The following KLHL2 variants were observed in gnomAD, a reference collection of about 807,000 sequenced individuals.
KLHL2 encodes kelch like family member 2.
KLHL2 carries 15 observed loss-of-function variants against 75.8 expected under a neutral mutation model. The ratio of observed to expected loss-of-function variants is 0.20; its 90% CI spans 0.13 to 0.30. The LOEUF is 0.30. Among genes scored for constraint, KLHL2 ranks in the 10% least tolerant of loss-of-function variants. The pLI, the probability that KLHL2 is intolerant of heterozygous loss-of-function variation, is 1.00. For synonymous variants in KLHL2, 214 were observed against 251.9 expected, an observed-to-expected ratio of 0.85 and a Z score of 1.42; for missense variants, 381 against 741.0, an observed-to-expected ratio of 0.51 and a Z score of 5.64.
chr4:165,271,167 T>A (rs532079359), intron 5 of KLHL2, among the ~76,000 whole-genome samples: 2 of 48,220 alleles, frequency 4.1e-5, no homozygotes, highest in East Asian at 6.4e-4. Context: ...ATTTTAGGAT[T>A]TTTTTTTTAT....
chr4:165,311,636 A>C, intron 11 of KLHL2, 71 bp downstream of exon 11: 6 of 1,085,254 alleles, frequency 5.5e-6, no homozygotes, highest in Non-Finnish European at 8.3e-6. Context: ...CAGTAATCTC[A>C]ACTTTAGTTT....
At chr4:165,258,193 T>C (rs145708567) in intron 4 of KLHL2, among the ~76,000 whole-genome samples, 76 of 152,344 alleles carry the variant, frequency 5.0e-4, no homozygotes, top group African/African-American at 1.8e-3. Flanking sequence ...CTATATGGAA[T>C]TTAATCACTC....
At chr4:165,295,797 A>G (rs1744864710) in intron 6 of KLHL2, among the ~76,000 whole-genome samples, 1 of 152,194 alleles carries the variant, frequency 6.6e-6, no homozygotes, top group Non-Finnish European at 1.5e-5. Flanking sequence ...GTTCAGTATG[A>G]TGGGAGTTTA....
intron 3 of KLHL2, among the ~76,000 whole-genome samples, chr4:165,234,170 C>T (rs1739137675): frequency 6.6e-6 from 1 of 152,174 alleles, no homozygotes; most frequent in African/African-American, 2.4e-5. Flanking sequence ...TGGAGAGTTA[C>T]ATACTCTGAC....
intron 5 of KLHL2, among the ~76,000 whole-genome samples, chr4:165,292,300 C>A (rs1179683788): frequency 1.3e-5 from 2 of 151,936 alleles, no homozygotes; most frequent in African/African-American, 4.8e-5. Flanking sequence ...CATTTTAGAG[C>A]TGCTTGTTTT....
intron 2 of KLHL2, among the ~76,000 whole-genome samples, chr4:165,220,807 T>TAA (rs1430780933): frequency 2.0e-5 from 3 of 152,190 alleles, no homozygotes; most frequent in Admixed American, 6.5e-5. Context: ...GTTGCTGAGG[T>TAA]AATTCTCAAG....
chr4:165,318,012 C>A (rs755191091), intron 14 of KLHL2, 43 bp downstream of exon 14: 1 of 1,584,356 alleles, frequency 6.3e-7, no homozygotes. Context: ...AAAAAGATGA[C>A]CTCATTATGA....
intron 3 of KLHL2, among the ~76,000 whole-genome samples, chr4:165,233,756 A>G (rs1257563434): frequency 6.6e-6 from 1 of 152,226 alleles, no homozygotes; most frequent in Admixed American, 6.5e-5. Context: ...TAAACACACA[A>G]AAGATAATTT....
At chr4:165,247,129 C>T (rs201178441) in intron 4 of KLHL2, among the ~76,000 whole-genome samples, 3 of 152,258 alleles carry the variant, frequency 2.0e-5, no homozygotes, top group African/African-American at 7.2e-5. Context: ...TCATTACATT[C>T]GTTTGCCTGA....
In KLHL2 at chr4:165,297,232, A is replaced by G. The variant is rs536914412; in HGVS notation, c.655-377A>G. Among the ~76,000 whole-genome samples, 7 of 152,280 alleles carry G rather than the reference A, an allele frequency of 4.6e-5. No individual in the cohort carries two copies. The East Asian group carries it at 1.4e-3, about 29-fold the overall frequency. On this transcript the variant is annotated intron_variant, in intron 6 of 14. Transcript: ENST00000226725. ...GTAAAAAAAAATTTCAAAATACTACATTTTAATATATTCTGCTATTACAGA... is the reference window on the plus strand; with the variant it reads ...GTAAAAAAAAATTTCAAAATACTACGTTTTAATATATTCTGCTATTACAGA...
intron 5 of KLHL2, among the ~76,000 whole-genome samples, chr4:165,283,002 G>A (rs1257995258): frequency 2.6e-5 from 4 of 151,992 alleles, no homozygotes; most frequent in Non-Finnish European, 5.9e-5. Flanking sequence ...AAGAGAGCTT[G>A]TACAAGGAAG....
chr4:165,248,014 TC>T (rs1457554766), intron 4 of KLHL2, among the ~76,000 whole-genome samples: 1 of 152,194 alleles, frequency 6.6e-6, no homozygotes, highest in Non-Finnish European at 1.5e-5. Flanking sequence ...ATGCCAAAGC[TC>T]AGTGGCTTAA....
chr4:165,279,744 G>T, intron 5 of KLHL2: 1 of 921,704 alleles, frequency 1.1e-6, no homozygotes, highest in Non-Finnish European at 1.8e-6. Context: ...GCGAGGCCGC[G>T]CGAGTCCGCT....
chr4:165,246,534 G>A (rs530282786), intron 4 of KLHL2, among the ~76,000 whole-genome samples: 1 of 152,152 alleles, frequency 6.6e-6, no homozygotes, highest in Non-Finnish European at 1.5e-5. Context: ...GTTGGCGTGA[G>A]ATGGTGAACA....
chr4:165,278,595 C>T, intron 5 of KLHL2: 1 of 1,604,194 alleles, frequency 6.2e-7, no homozygotes, highest in Non-Finnish European at 8.5e-7. Flanking sequence ...GTACCTACTT[C>T]TTTAGCAAGT....
chr4:165,227,633 C>T (rs1738543013), intron 2 of KLHL2, among the ~76,000 whole-genome samples: 1 of 152,164 alleles, frequency 6.6e-6, no homozygotes, highest in Non-Finnish European at 1.5e-5. Flanking sequence ...TTTCACCACA[C>T]CTGTTTCAGT....
At chr4:165,246,281 A>C (rs1476196599) in intron 4 of KLHL2, among the ~76,000 whole-genome samples, 3 of 152,114 alleles carry the variant, frequency 2.0e-5, no homozygotes, top group Non-Finnish European at 2.9e-5. Context: ...GAGAGTGGAG[A>C]AAGATGAGAT....
Position 165,319,259 on chromosome 4 carries a change from C to A in KLHL2, c.1753+1290C>A, listed in dbSNP as rs974481919. On this transcript the variant is annotated intron_variant, in intron 14 of 14. Transcript: ENST00000226725. The surrounding 1 kb of genome is among the most constrained non-coding windows in gnomAD (Gnocchi z 4.5). ...GCGATGCGTATCTCAGTAAAAAGTT[C>A]TCTCTCATGGTTCTGCCTTATTTTT... Among the ~76,000 whole-genome samples the A allele has an allele frequency of 6.6e-6, 1 of 152,184 alleles. No homozygotes were observed. Among genetic ancestry groups the A allele is most frequent in the African/African-American group, 2.4e-5 (1 of 41,438 alleles).
chr4:165,224,703 A>G (rs1426583709), intron 2 of KLHL2, among the ~76,000 whole-genome samples: 2 of 152,238 alleles, frequency 1.3e-5, no homozygotes, highest in African/African-American at 4.8e-5. Context: ...TTAGATGGCA[A>G]GTGAATTAAA....
Sources: gnomAD v4.1 joint callset for allele counts (sites outside exome capture counted in the v4.1 genomes callset) on GRCh38, gnomAD v4.1.1 for gene constraint, Gnocchi (gnomAD v3.1) non-coding constraint, MANE v1.5 for transcripts, NCBI Gene and HGNC (gene_info 2026-07-23, HGNC 2026-07-21) for gene names.